Variants in ROBO2 observed in about 807,000 individuals in gnomAD.
ROBO2 encodes roundabout guidance receptor 2.
ROBO2 carries 53 observed loss-of-function variants against 160.8 expected under a neutral mutation model. That is an observed-to-expected ratio of 0.33 (90% CI 0.26 to 0.41). The LOEUF (loss-of-function observed/expected upper bound fraction) is 0.41. Among genes scored for constraint, ROBO2 ranks in the 10% least tolerant of loss-of-function variants. The pLI, the probability that ROBO2 is intolerant of heterozygous loss-of-function variation, is 1.00. For synonymous variants in ROBO2, 664 were observed against 611.7 expected (o/e 1.09, Z -1.26); for missense variants, 1,577 against 1,722.4 (o/e 0.92, Z 1.49).
At chr3:76,720,056 C>A (rs1013796128) in intron 2 of ROBO2, among the ~76,000 whole-genome samples, 1 of 152,030 alleles carries the variant, frequency 6.6e-6, no homozygotes, top group Non-Finnish European at 1.5e-5. Flanking sequence ...ACATCCAATG[C>A]GATGGAATTA....
At chr3:76,940,562 C>T (rs904815985) in intron 2 of ROBO2, among the ~76,000 whole-genome samples, 5 of 152,186 alleles carry the variant, frequency 3.3e-5, no homozygotes, top group Admixed American at 1.3e-4. Context: ...CCTTGTCTTT[C>T]ACGCTGACTC....
intron 2 of ROBO2, among the ~76,000 whole-genome samples, chr3:76,416,992 A>T (rs1036641270): frequency 5.9e-5 from 9 of 152,234 alleles, no homozygotes; most frequent in African/African-American, 1.9e-4. Flanking sequence ...GCATGTTATT[A>T]AAAGGCTAGT....
chr3:76,758,031 CA>C (rs754802376), intron 2 of ROBO2, among the ~76,000 whole-genome samples: 3 of 151,638 alleles, frequency 2.0e-5, no homozygotes, highest in Non-Finnish European at 4.4e-5. Flanking sequence ...GTTAAATGTT[CA>C]ACAGTTAATT....
At chr3:77,261,779 T>A (rs2058791598) in intron 2 of ROBO2, among the ~76,000 whole-genome samples, 1 of 151,712 alleles carries the variant, frequency 6.6e-6, no homozygotes. Flanking sequence ...TTTTTTTTTT[T>A]TTTTTTGTAA....
intron 2 of ROBO2, among the ~76,000 whole-genome samples, chr3:76,866,976 G>A (rs368284598): frequency 1.3e-5 from 2 of 152,108 alleles, no homozygotes; most frequent in Non-Finnish European, 2.9e-5. Flanking sequence ...AAGCCACTAA[G>A]TGACTTAGAA....
chr3:77,193,096 A>T (rs935533770), intron 2 of ROBO2, among the ~76,000 whole-genome samples: 4 of 152,084 alleles, frequency 2.6e-5, no homozygotes, highest in African/African-American at 9.7e-5. Flanking sequence ...TAGTTTTTTA[A>T]TGTGGTAGGA....
intron 2 of ROBO2, among the ~76,000 whole-genome samples, chr3:76,271,326 C>G (rs1264753516): frequency 6.6e-6 from 1 of 151,814 alleles, no homozygotes; most frequent in Non-Finnish European, 1.5e-5. Context: ...TTAATTTTAA[C>G]AACTGTTCCT....
chr3:77,559,416 G>T (rs554964974), intron 9 of ROBO2, among the ~76,000 whole-genome samples: 1 of 152,168 alleles, frequency 6.6e-6, no homozygotes, highest in South Asian at 2.1e-4. Context: ...GTGAAAGCTG[G>T]AGAGTATATT....
At chr3:77,494,918 G>A (rs1359134867) in intron 5 of ROBO2, among the ~76,000 whole-genome samples, 1 of 152,164 alleles carries the variant, frequency 6.6e-6, no homozygotes, top group Admixed American at 6.5e-5. Context: ...TATGTAGTGG[G>A]GAAAGTCATC....
chr3:77,373,109 A>T (rs893568940), intron 2 of ROBO2, among the ~76,000 whole-genome samples: 2 of 147,180 alleles, frequency 1.4e-5, no homozygotes, highest in African/African-American at 4.9e-5. Context: ...ATAATATTTT[A>T]AAATTATTAT....
At chr3:76,046,893 T>A (rs2067471082) in intron 2 of ROBO2, among the ~76,000 whole-genome samples, 1 of 152,248 alleles carries the variant, frequency 6.6e-6, no homozygotes, top group African/African-American at 2.4e-5. Flanking sequence ...ATTTGTGCTC[T>A]GCCCTGACTC....
chr3:76,673,854 T>C (rs2092335789), intron 2 of ROBO2, among the ~76,000 whole-genome samples: 1 of 152,188 alleles, frequency 6.6e-6, no homozygotes, highest in South Asian at 2.1e-4. Context: ...TTTTCATTGA[T>C]AATGCATTCC....
chr3:76,886,914 G>T (rs564209803), intron 2 of ROBO2, among the ~76,000 whole-genome samples: 11 of 152,142 alleles, frequency 7.2e-5, no homozygotes, highest in African/African-American at 2.4e-4. Context: ...AGCCACATTC[G>T]AAGTGTTCAG....
At chr3:77,589,202 C>T (rs964340780) in intron 17 of ROBO2, among the ~76,000 whole-genome samples, 2 of 141,690 alleles carry the variant, frequency 1.4e-5, no homozygotes, top group African/African-American at 5.4e-5. Context: ...TCAACTAGTT[C>T]TTTGAAATCA....
chr3:76,506,653 G>T (rs534287106), intron 2 of ROBO2, among the ~76,000 whole-genome samples: 2 of 152,024 alleles, frequency 1.3e-5, no homozygotes, highest in Non-Finnish European at 2.9e-5. Flanking sequence ...TTATGTATGT[G>T]TCTTGTCCTC....
intron 2 of ROBO2, among the ~76,000 whole-genome samples, chr3:77,007,575 C>G (rs890881090): frequency 6.6e-6 from 1 of 152,088 alleles, no homozygotes; most frequent in African/African-American, 2.4e-5. Context: ...AGACGATATT[C>G]TGCAATGTGG....
At chr3:77,473,440 C>CTTTTTTTTTTTTTTTTTT (rs71104688) in intron 2 of ROBO2, among the ~76,000 whole-genome samples, 1 of 77,922 alleles carries the variant, frequency 1.3e-5, no homozygotes, top group African/African-American at 4.7e-5. Flanking sequence ...ACAAACTGCT[C>CTTTTTTTTTTTTTTTTTT]TTTTTTTTTT....
intron 2 of ROBO2, among the ~76,000 whole-genome samples, chr3:76,254,188 A>T (rs1226470499): frequency 1.3e-5 from 2 of 152,078 alleles, no homozygotes; most frequent in African/African-American, 4.8e-5. Flanking sequence ...GAGAAGCAAG[A>T]TCTGGTAGAC....
chr3:77,260,683 C>T lies in ROBO2; in HGVS notation c.388+162343C>T, dbSNP rs145339639. On this transcript the variant is annotated intron_variant, in intron 2 of 25. Coordinates refer to ENST00000461745, the Ensembl canonical transcript of ROBO2. ...AATGACTTATCCAAGGTCCCACAAG[C>T]GGTAGATCCAGAGTCAAAGTGAAGA... 9.2e-5 allele frequency among the ~76,000 whole-genome samples: 14 copies of T among 152,236 alleles called. No homozygotes were observed. The East Asian group carries it at 9.7e-4, about 10-fold the overall frequency.
Sources: allele counts gnomAD v4.1 joint callset (sites outside exome capture counted in the v4.1 genomes callset), GRCh38; gene constraint gnomAD v4.1.1; transcripts MANE v1.5; gene names NCBI Gene and HGNC (gene_info 2026-07-23, HGNC 2026-07-21).